ATXN8OS: variants seen among roughly 807,000 people sequenced by gnomAD.
ATXN8OS encodes the protein ATXN8 opposite strand lncRNA.
chr13:70,141,975 G>A (rs1229831495), intron 3 of ATXN8OS, among the ~76,000 whole-genome samples: 2 of 151,850 alleles, frequency 1.3e-5, no homozygotes, highest in Admixed American at 6.6e-5. Flanking sequence ...CCTGCACCTC[G>A]CGGGTTCAAG....
intron 4 of ATXN8OS, among the ~76,000 whole-genome samples, chr13:70,169,149 G>A (rs929677175): frequency 3.3e-5 from 5 of 152,068 alleles, no homozygotes; most frequent in African/African-American, 1.2e-4. Context: ...TAAATGGCTT[G>A]TTACATAATT....
chr13:70,152,415 A>G (rs1341736329), intron 4 of ATXN8OS, among the ~76,000 whole-genome samples: 1 of 151,968 alleles, frequency 6.6e-6, no homozygotes, highest in East Asian at 1.9e-4. Flanking sequence ...ACAAGTATAC[A>G]TATATACACA....
chr13:70,109,341 G>T (rs113128263), intron 1 of ATXN8OS, among the ~76,000 whole-genome samples: 13 of 152,298 alleles, frequency 8.5e-5, no homozygotes, highest in Non-Finnish European at 1.8e-4. Flanking sequence ...AAAGGGACCA[G>T]AAATGCAATG....
At position 70,118,537 on chromosome 13, in the gene ATXN8OS, A is replaced by G. The variant is rs149793186; in HGVS notation, n.398+3239A>G. ...GAGTAAGAATGCCATATATACATATATGCATTTATATATTTCATTTATACA... is the reference window on the plus strand; with the variant it reads ...GAGTAAGAATGCCATATATACATATGTGCATTTATATATTTCATTTATACA... On this transcript the variant is annotated intron_variant and non_coding_transcript_variant, in intron 2 of 4. Coordinates refer to ENST00000678624, the Ensembl canonical transcript of ATXN8OS. Among the ~76,000 whole-genome samples the G allele has an allele frequency of 1.4e-4, 21 of 152,218 alleles. No homozygotes were observed. In the East Asian group the frequency reaches 2.9e-3, roughly 21 times the overall value.
intron 1 of ATXN8OS, among the ~76,000 whole-genome samples, chr13:70,109,847 T>G (rs1459585810): frequency 6.6e-6 from 1 of 152,152 alleles, no homozygotes; most frequent in East Asian, 1.9e-4. Context: ...AAACTTTCCA[T>G]CAGAAATAAT....
At chr13:70,121,300 C>A (rs1226841791) in intron 2 of ATXN8OS, among the ~76,000 whole-genome samples, 1 of 152,020 alleles carries the variant, frequency 6.6e-6, no homozygotes, top group Non-Finnish European at 1.5e-5. Flanking sequence ...ATCAAAGGAA[C>A]ATAAAGATCA....
chr13:70,117,499 T>A (rs183294546), intron 2 of ATXN8OS, among the ~76,000 whole-genome samples: 2 of 152,210 alleles, frequency 1.3e-5, no homozygotes, highest in Admixed American at 1.3e-4. Context: ...GAGCAGTGCA[T>A]CCTATAAAGA....
intron 3 of ATXN8OS, chr13:70,131,020 G>A: frequency 2.5e-6 from 1 of 398,488 alleles, no homozygotes; most frequent in Non-Finnish European, 4.4e-6. Context: ...ATCTTAAAGA[G>A]AGTTAGGAAG....
chr13:70,109,218 T>G (rs1888157409), intron 1 of ATXN8OS, among the ~76,000 whole-genome samples: 1 of 152,246 alleles, frequency 6.6e-6, no homozygotes, highest in Admixed American at 6.5e-5. Flanking sequence ...CCCTTATATC[T>G]ATACTTAGAA....
At chr13:70,113,745 T>C (rs1328593397) in intron 1 of ATXN8OS, among the ~76,000 whole-genome samples, 1 of 152,214 alleles carries the variant, frequency 6.6e-6, no homozygotes, top group Non-Finnish European at 1.5e-5. Context: ...ATCAGGTTAC[T>C]ACATTTCTCT....
At chr13:70,135,557 T>A (rs1288664879) in intron 3 of ATXN8OS, among the ~76,000 whole-genome samples, 1 of 152,190 alleles carries the variant, frequency 6.6e-6, no homozygotes, top group Admixed American at 6.5e-5. Context: ...TCCTTGAGTA[T>A]GGACTCATGA....
chr13:70,161,095 T>C (rs970927835), intron 4 of ATXN8OS, among the ~76,000 whole-genome samples: 1 of 151,720 alleles, frequency 6.6e-6, no homozygotes, highest in African/African-American at 2.4e-5. Context: ...AATCGGATTC[T>C]TCTAAAGTAA....
intron 4 of ATXN8OS, among the ~76,000 whole-genome samples, chr13:70,162,564 A>G (rs907985476): frequency 6.6e-6 from 1 of 152,084 alleles, no homozygotes. Context: ...GAGAGAGAGT[A>G]GATCTGCTGG....
Position 70,110,457 on chromosome 13 carries a change from T to G in ATXN8OS, n.240+2438T>G, listed in dbSNP as rs142883419. 2.5e-3 allele frequency among the ~76,000 whole-genome samples: 382 copies of G among 151,942 alleles called. 2 individuals carry two copies. Among genetic ancestry groups the G allele is most frequent in the African/African-American group, 8.9e-3 (367 of 41,454 alleles). ...ACAAAGATGATTATATTATTTTCAC[T>G]TGATTGTTACCATACTACAGTGTTG... is the stretch of plus-strand genomic sequence containing the variant. On this transcript the variant is annotated intron_variant and non_coding_transcript_variant, in intron 1 of 4. Coordinates refer to ENST00000678624, the Ensembl canonical transcript of ATXN8OS.
chr13:70,141,235 C>A (rs973158055), intron 3 of ATXN8OS, among the ~76,000 whole-genome samples: 1 of 151,962 alleles, frequency 6.6e-6, no homozygotes, highest in Non-Finnish European at 1.5e-5. Flanking sequence ...CTTTCGTCAT[C>A]GATATATTTT....
Position 70,154,353 on chromosome 13 carries a change from C to A in ATXN8OS, n.573+6925C>A, listed in dbSNP as rs1230687799. ...ACCCAATTCCAACTCCATCTTACCT[C>A]AGGTCATAAAGCCTGCAGAGGGGCT... is the stretch of plus-strand genomic sequence containing the variant. On this transcript the variant is annotated intron_variant and non_coding_transcript_variant, in intron 4 of 4. Coordinates refer to ENST00000678624, the Ensembl canonical transcript of ATXN8OS. 2.0e-5 allele frequency among the ~76,000 whole-genome samples: 3 copies of A among 152,168 alleles called. No individual in the cohort carries two copies. In the East Asian group the frequency reaches 5.8e-4, roughly 29 times the overall value.
intron 3 of ATXN8OS, among the ~76,000 whole-genome samples, chr13:70,143,391 TA>T (rs566616956): frequency 6.6e-5 from 10 of 150,852 alleles, no homozygotes; most frequent in Admixed American, 1.3e-4. Flanking sequence ...GTAATAAATC[TA>T]AAAAAAAATG....
chr13:70,162,151 T>C (rs1392588433), intron 4 of ATXN8OS, among the ~76,000 whole-genome samples: 1 of 152,070 alleles, frequency 6.6e-6, no homozygotes, highest in Non-Finnish European at 1.5e-5. Context: ...GTATAACCTC[T>C]AATAAGTACA....
chr13:70,129,973 A>T, intron 3 of ATXN8OS: 1 of 397,266 alleles, frequency 2.5e-6, no homozygotes, highest in Non-Finnish European at 4.4e-6. Context: ...ATGGTGGATC[A>T]ACTACATGTT....
Sources: gnomAD v4.1 joint callset for allele counts (sites outside exome capture counted in the v4.1 genomes callset) on GRCh38, gnomAD v4.1.1 for gene constraint, MANE v1.5 for transcripts, NCBI Gene and HGNC (gene_info 2026-07-23, HGNC 2026-07-21) for gene names.